Variants in KCND2 observed in about 807,000 individuals in gnomAD.
The protein encoded by KCND2 is A-type voltage-gated potassium channel KCND2.
Under a neutral mutation model 54.4 loss-of-function variants are expected in KCND2, and 16 were observed. That is an observed-to-expected ratio of 0.29 (90% CI 0.20 to 0.45). The LOEUF is 0.45. Ranked by LOEUF, KCND2 falls within the 20% of genes least tolerant of loss-of-function variation. The pLI, the probability that KCND2 is intolerant of heterozygous loss-of-function variation, is 1.00. For synonymous variants in KCND2, 317 were observed against 310.7 expected, an observed-to-expected ratio of 1.02 and a Z score of -0.21; for missense variants, 486 against 824.2, an observed-to-expected ratio of 0.59 and a Z score of 5.02.
rs7795131 is a variant in KCND2 at position 120,655,703 on chromosome 7, A to T, written c.1116-77200A>T. On this transcript the variant is annotated intron_variant, in intron 1 of 5. Transcript: ENST00000331113. ...TCATGACCTACTCATTTTCTCACAC[A>T]TTTGTGAAAGCACCTTTAAAAAACA... Among the ~76,000 whole-genome samples, 723 of 152,196 alleles carry T rather than the reference A, an allele frequency of 4.8e-3. 5 individuals are homozygous for T. The highest frequency in any genetic ancestry group is 0.017 in the African/African-American group (696 of 41,560).
chr7:120,684,189 G>A (rs1792173425), intron 1 of KCND2, among the ~76,000 whole-genome samples: 1 of 152,120 alleles, frequency 6.6e-6, no homozygotes, highest in Non-Finnish European at 1.5e-5. Context: ...CTGTGTACGT[G>A]CTAGTGTGGC....
chr7:120,736,082 G>A (rs1457437447), intron 2 of KCND2, among the ~76,000 whole-genome samples: 1 of 152,028 alleles, frequency 6.6e-6, no homozygotes, highest in Non-Finnish European at 1.5e-5. Context: ...CAGTCCAACT[G>A]ACTAATAAAA....
At chr7:120,670,915 CA>C (rs201567194) in intron 1 of KCND2, among the ~76,000 whole-genome samples, 163 of 93,298 alleles carry the variant, frequency 1.7e-3, no homozygotes, top group Non-Finnish European at 1.8e-3. Context: ...GGCTCCGTCT[CA>C]AAAAAAAAAA....
At chr7:120,317,849 C>A (rs2116325454) in intron 1 of KCND2, among the ~76,000 whole-genome samples, 1 of 152,250 alleles carries the variant, frequency 6.6e-6, no homozygotes, top group African/African-American at 2.4e-5. Context: ...GATTTCAAAT[C>A]AATCAGTTGG....
intron 1 of KCND2, among the ~76,000 whole-genome samples, chr7:120,450,624 T>G (rs1802088865): frequency 6.6e-6 from 1 of 152,206 alleles, no homozygotes; most frequent in Admixed American, 6.5e-5. Flanking sequence ...AGCTGCAGCA[T>G]GCATTCTAAA....
At chr7:120,319,994 G>A (rs1008297261) in intron 1 of KCND2, among the ~76,000 whole-genome samples, 5 of 152,092 alleles carry the variant, frequency 3.3e-5, no homozygotes, top group African/African-American at 1.2e-4. Flanking sequence ...ATGCAAAAGT[G>A]CAAGATTGTT....
In KCND2 at chr7:120,583,436, G is replaced by A. The variant is rs1792545682; in HGVS notation, c.1116-149467G>A. Among the ~76,000 whole-genome samples the A allele has an allele frequency of 3.9e-5, 6 of 152,102 alleles. 1 individual carries two copies. Among genetic ancestry groups the A allele is most frequent in the Admixed American group, 3.9e-4 (6 of 15,270 alleles). On this transcript the variant is annotated intron_variant, in intron 1 of 5. Transcript: ENST00000331113. ...ATGTGTGTGTGTTTTATATTAGTTT[G>A]TTAGAGCTGACATGAGAAAGTACCA...
intron 1 of KCND2, among the ~76,000 whole-genome samples, chr7:120,410,098 A>G (rs544983780): frequency 6.6e-6 from 1 of 152,050 alleles, no homozygotes; most frequent in African/African-American, 2.4e-5. Flanking sequence ...TCCTTTTTGC[A>G]CATGGATATT....
intron 1 of KCND2, among the ~76,000 whole-genome samples, chr7:120,390,763 T>C (rs1801062197): frequency 6.6e-6 from 1 of 152,062 alleles, no homozygotes; most frequent in South Asian, 2.1e-4. Flanking sequence ...TAATTTGTCA[T>C]TCCCTGGTTA....
chr7:120,316,840 ATT>A (rs1211451508), intron 1 of KCND2, among the ~76,000 whole-genome samples: 2 of 148,096 alleles, frequency 1.4e-5, no homozygotes, highest in African/African-American at 2.5e-5. Context: ...ATTGCAGATA[ATT>A]TTTTTTTTTT....
intron 1 of KCND2, among the ~76,000 whole-genome samples, chr7:120,550,337 A>T (rs1792091049): frequency 6.6e-6 from 1 of 152,102 alleles, no homozygotes; most frequent in Non-Finnish European, 1.5e-5. Flanking sequence ...GTAGCACAAC[A>T]TTCAGCGGTA....
chr7:120,292,441 G>A (rs1395022361), intron 1 of KCND2, among the ~76,000 whole-genome samples: 1 of 151,818 alleles, frequency 6.6e-6, no homozygotes, highest in Non-Finnish European at 1.5e-5. Context: ...AGACTTGTAA[G>A]TGAGATTCTT....
chr7:120,545,934 T>C (rs1792037171), intron 1 of KCND2, among the ~76,000 whole-genome samples: 1 of 151,632 alleles, frequency 6.6e-6, no homozygotes, highest in Non-Finnish European at 1.5e-5. Flanking sequence ...TGTGAATTCA[T>C]GGGTAGCTTC....
At chr7:120,630,026 C>T (rs1401764346) in intron 1 of KCND2, among the ~76,000 whole-genome samples, 1 of 151,760 alleles carries the variant, frequency 6.6e-6, no homozygotes, top group Non-Finnish European at 1.5e-5. Flanking sequence ...GTGTAGATAT[C>T]GTAATTAAAG....
At chr7:120,473,606 T>C (rs548115755) in intron 1 of KCND2, among the ~76,000 whole-genome samples, 96 of 152,338 alleles carry the variant, frequency 6.3e-4, no homozygotes, top group Non-Finnish European at 1.2e-3. Flanking sequence ...TTAGCAGCGA[T>C]GTAATTTTTT....
chr7:120,319,369 G>A (rs949147737), intron 1 of KCND2, among the ~76,000 whole-genome samples: 1 of 151,932 alleles, frequency 6.6e-6, no homozygotes, highest in African/African-American at 2.4e-5. Flanking sequence ...TAAAAAATGG[G>A]ACACATACCT....
chr7:120,500,089 G>A (rs1051000901), intron 1 of KCND2, among the ~76,000 whole-genome samples: 3 of 152,110 alleles, frequency 2.0e-5, no homozygotes, highest in Non-Finnish European at 4.4e-5. Context: ...AGTCCCAAAT[G>A]TTTTATTTCC....
rs374770859 is a variant in KCND2 at position 120,275,399 on chromosome 7, G to T, written c.767G>T (p.Arg256Leu). ...LRLAAAPSRYRFVRSVMSIID... is the reference protein window; with the variant it reads ...LRLAAAPSRYLFVRSVMSIID... ...CTGGCTGCAGCGCCTAGTCGTTACCGTTTTGTGCGTAGTGTCATGAGTATC... is the reference window on the plus strand; with the variant it reads ...CTGGCTGCAGCGCCTAGTCGTTACCTTTTTGTGCGTAGTGTCATGAGTATC... The change falls in exon 1 of 6, where the codon CGT (arginine) becomes CTT (leucine). Residue 256 changes from arginine to leucine, a missense_variant. Transcript: ENST00000331113. The T allele has an allele frequency of 4.3e-6, 7 of 1,613,606 alleles. No homozygotes were observed. The African/African-American group carries it at 9.4e-5, about 22-fold the overall frequency.
chr7:120,723,898 A>T (rs1419169321), intron 1 of KCND2, among the ~76,000 whole-genome samples: 1 of 152,112 alleles, frequency 6.6e-6, no homozygotes, highest in Non-Finnish European at 1.5e-5. Flanking sequence ...TGAGTATAAA[A>T]AGAGGAAGCA....
Sources: gnomAD v4.1 joint callset for allele counts (sites outside exome capture counted in the v4.1 genomes callset) on GRCh38, gnomAD v4.1.1 for gene constraint, MANE v1.5 for transcripts, NCBI Gene and HGNC (gene_info 2026-07-23, HGNC 2026-07-21) for gene names.